CNTNAP5: variants seen among roughly 807,000 people sequenced by gnomAD.
CNTNAP5 encodes the protein contactin associated protein family member 5, also known as contactin-associated protein-like 5.
CNTNAP5 carries 72 observed loss-of-function variants against 150.2 expected under a neutral mutation model. The ratio of observed to expected loss-of-function variants is 0.48; its 90% CI spans 0.40 to 0.58. The LOEUF is 0.58. Ranked by LOEUF, CNTNAP5 falls within the 20% of genes least tolerant of loss-of-function variation. The probability of loss-of-function intolerance (pLI) is 0.00; values close to 1 mark genes in which losing one functional copy is unlikely to be tolerated. For missense variants in CNTNAP5, 1,636 were observed against 1,626.2 expected, an observed-to-expected ratio of 1.01 and a Z score of -0.10; for synonymous variants, 672 against 619.8, an observed-to-expected ratio of 1.08 and a Z score of -1.25.
rs775678917 is a variant in CNTNAP5 at position 124,798,323 on chromosome 2, G to T, written c.3217+3G>T. On this transcript the variant is annotated splice_donor_region_variant and intron_variant, in intron 19 of 23. Coordinates refer to ENST00000682447, the MANE Select transcript of CNTNAP5 (RefSeq NM_001367498.1). The stretch of plus-strand genomic sequence containing the variant: ...GGTTGTTCTGCTCTGCAAGAATGGT[G>T]AGTGTGATGGCATGATACCCAGCGG... The T allele has an allele frequency of 1.9e-6, 3 of 1,598,934 alleles. No individual in the cohort carries two copies. The highest frequency in any genetic ancestry group is 2.6e-6 in the Non-Finnish European group (3 of 1,166,464).
intron 10 of CNTNAP5, among the ~76,000 whole-genome samples, chr2:124,551,019 C>T (rs910288565): frequency 6.6e-6 from 1 of 152,102 alleles, no homozygotes; most frequent in African/African-American, 2.4e-5. Context: ...CTGAGCACTT[C>T]AGGGTCATAC....
chr2:124,063,208 C>A (rs577479010), intron 1 of CNTNAP5, among the ~76,000 whole-genome samples: 3 of 151,976 alleles, frequency 2.0e-5, no homozygotes, highest in South Asian at 2.1e-4. Context: ...AATTTATGAG[C>A]AGGTAACAAT....
chr2:124,231,232 G>A (rs984072704), intron 2 of CNTNAP5, among the ~76,000 whole-genome samples: 1 of 152,156 alleles, frequency 6.6e-6, no homozygotes, highest in Non-Finnish European at 1.5e-5. Flanking sequence ...GTGGATCTTA[G>A]GGGTAGGAGA....
rs539842520 is a variant in CNTNAP5 at position 124,775,846 on chromosome 2, C to T, written c.2752+2829C>T. On this transcript the variant is annotated intron_variant, in intron 17 of 23. Coordinates refer to ENST00000682447, the MANE Select transcript of CNTNAP5 (RefSeq NM_001367498.1). ...CTCACCTTTGGAATGCTCAATAGTACCGCCCCTTCTGCTTTGTTATTCCCC... is the reference window on the plus strand; with the variant it reads ...CTCACCTTTGGAATGCTCAATAGTATCGCCCCTTCTGCTTTGTTATTCCCC... 3.3e-5 allele frequency among the ~76,000 whole-genome samples: 5 copies of T among 152,226 alleles called. No homozygotes were observed. In the South Asian group the frequency reaches 1.0e-3, roughly 32 times the overall value.
intron 3 of CNTNAP5, among the ~76,000 whole-genome samples, chr2:124,270,040 G>A (rs528518328): frequency 1.3e-5 from 2 of 152,240 alleles, no homozygotes; most frequent in South Asian, 4.2e-4. Context: ...TGGGGACCGG[G>A]TGTGGTGGCT....
chr2:124,708,860 T>C lies in CNTNAP5; in HGVS notation c.2078-38369T>C, dbSNP rs114543082. ...AATCAGCAATTGTTTATGTCCATGCTATCTTTGGTGAAATCTTACCTGACT... is the reference window on the plus strand; with the variant it reads ...AATCAGCAATTGTTTATGTCCATGCCATCTTTGGTGAAATCTTACCTGACT... On this transcript the variant is annotated intron_variant, in intron 13 of 23. Coordinates refer to ENST00000682447, the MANE Select transcript of CNTNAP5 (RefSeq NM_001367498.1). 7.9e-3 allele frequency among the ~76,000 whole-genome samples: 1,208 copies of C among 152,314 alleles called. 20 individuals are homozygous for C. Among genetic ancestry groups the C allele is most frequent in the African/African-American group, 0.028 (1,172 of 41,570 alleles).
intron 19 of CNTNAP5, among the ~76,000 whole-genome samples, chr2:124,832,831 A>C (rs1682744130): frequency 6.6e-6 from 1 of 152,128 alleles, no homozygotes; most frequent in Admixed American, 6.6e-5. Context: ...AGAACTTAAA[A>C]GACTCTGCAG....
At chr2:124,624,400 T>C (rs149723254) in intron 12 of CNTNAP5, among the ~76,000 whole-genome samples, 2 of 152,350 alleles carry the variant, frequency 1.3e-5, no homozygotes, top group African/African-American at 4.8e-5. Context: ...TCCCTCCCTT[T>C]ACTAACTTAT....
intron 1 of CNTNAP5, among the ~76,000 whole-genome samples, chr2:124,206,877 C>T (rs1043560547): frequency 5.3e-5 from 8 of 152,044 alleles, no homozygotes; most frequent in African/African-American, 1.7e-4. Context: ...CATCAGGGTC[C>T]AGTTGTTTTG....
At chr2:124,658,210 G>C (rs1678499345) in intron 13 of CNTNAP5, among the ~76,000 whole-genome samples, 1 of 152,152 alleles carries the variant, frequency 6.6e-6, no homozygotes, top group Non-Finnish European at 1.5e-5. Context: ...GGTGGGAGGA[G>C]AGCAACTTCA....
chr2:124,380,799 A>C (rs1176014689), intron 3 of CNTNAP5, among the ~76,000 whole-genome samples: 1 of 152,200 alleles, frequency 6.6e-6, no homozygotes, highest in Non-Finnish European at 1.5e-5. Context: ...ATAGAGCAGC[A>C]ATCAAAACAG....
At chr2:124,493,323 ATATT>A (rs898611236) in intron 7 of CNTNAP5, among the ~76,000 whole-genome samples, 11 of 151,022 alleles carry the variant, frequency 7.3e-5, no homozygotes, top group African/African-American at 2.7e-4. Context: ...TTAATTAAAA[ATATT>A]TAATTATTAT....
chr2:124,354,042 G>A (rs1203540169), intron 3 of CNTNAP5, among the ~76,000 whole-genome samples: 2 of 152,092 alleles, frequency 1.3e-5, no homozygotes, highest in African/African-American at 4.8e-5. Context: ...GATTCCAGAA[G>A]ACTTGACTAT....
At chr2:124,089,930 A>G (rs1329391404) in intron 1 of CNTNAP5, among the ~76,000 whole-genome samples, 4 of 152,234 alleles carry the variant, frequency 2.6e-5, no homozygotes, top group Non-Finnish European at 4.4e-5. Flanking sequence ...AAGAGTGCAC[A>G]TATGTCATTA....
intron 13 of CNTNAP5, among the ~76,000 whole-genome samples, chr2:124,713,206 CCTTT>C (rs1041303038): frequency 5.6e-5 from 8 of 143,888 alleles, no homozygotes; most frequent in Admixed American, 4.8e-4. Context: ...TCCCTCCCTT[CCTTT>C]CTTTCTCTGT....
At chr2:124,901,687 T>C (rs750331728) in intron 21 of CNTNAP5, among the ~76,000 whole-genome samples, 6 of 152,178 alleles carry the variant, frequency 3.9e-5, no homozygotes, top group Non-Finnish European at 8.8e-5. Flanking sequence ...TTTAAAGTCA[T>C]TTAAGTTTGT....
At position 124,042,408 on chromosome 2, in the gene CNTNAP5, C is replaced by T. The variant is rs145110614; in HGVS notation, c.82+16676C>T. Among the ~76,000 whole-genome samples the T allele has an allele frequency of 2.8e-4, 42 of 152,130 alleles. No homozygotes were observed. The East Asian group carries it at 7.7e-3, about 28-fold the overall frequency. ...GGTGTAACCATGATTTTGCTGAAAT[C>T]ATATTTATTATACTTTTCATTATTT... On this transcript the variant is annotated intron_variant, in intron 1 of 23. Transcript: ENST00000682447.
chr2:124,653,395 T>C (rs1239019612), intron 13 of CNTNAP5, among the ~76,000 whole-genome samples: 1 of 151,098 alleles, frequency 6.6e-6, no homozygotes, highest in African/African-American at 2.4e-5. Flanking sequence ...TATATGTGTC[T>C]GTATGATAGT....
At chr2:124,273,464 T>G (rs919852654) in intron 3 of CNTNAP5, among the ~76,000 whole-genome samples, 3 of 152,152 alleles carry the variant, frequency 2.0e-5, no homozygotes, top group Non-Finnish European at 2.9e-5. Context: ...CTTAATGAGT[T>G]TTTCTCAGCT....
Sources: gnomAD v4.1 joint callset for allele counts (sites outside exome capture counted in the v4.1 genomes callset) on GRCh38, gnomAD v4.1.1 for gene constraint, MANE v1.5 for transcripts, NCBI Gene and HGNC (gene_info 2026-07-23, HGNC 2026-07-21) for gene names.